LRRC4C: variants seen among roughly 807,000 people sequenced by gnomAD.
LRRC4C encodes leucine-rich repeat-containing protein 4C.
Under a neutral mutation model 33.6 loss-of-function variants are expected in LRRC4C, and 5 were observed. The observed-to-expected ratio is 0.15, with a 90% CI of 0.08 to 0.31. The LOEUF is 0.31. Among genes scored for constraint, LRRC4C ranks in the 10% least tolerant of loss-of-function variants. The pLI is 1.00. For synonymous variants in LRRC4C, 329 were observed against 302.0 expected, an observed-to-expected ratio of 1.09 and a Z score of -0.93; for missense variants, 560 against 796.7, an observed-to-expected ratio of 0.70 and a Z score of 3.58.
intron 1 of LRRC4C, among the ~76,000 whole-genome samples, chr11:41,427,530 A>G (rs1192220693): frequency 6.6e-6 from 1 of 152,198 alleles, no homozygotes; most frequent in East Asian, 1.9e-4. Context: ...GGTTCTACGA[A>G]GAAGAGATAT....
intron 1 of LRRC4C, among the ~76,000 whole-genome samples, chr11:40,998,052 T>C (rs532717982): frequency 1.3e-5 from 2 of 152,068 alleles, no homozygotes; most frequent in Non-Finnish European, 1.5e-5. Flanking sequence ...ACTGATGAAT[T>C]AATGATAAAG....
chr11:40,799,784 A>T (rs924715624), intron 2 of LRRC4C, among the ~76,000 whole-genome samples: 1 of 152,178 alleles, frequency 6.6e-6, no homozygotes, highest in African/African-American at 2.4e-5. Context: ...ATAGTCACTT[A>T]CTTTTTGATA....
intron 1 of LRRC4C, among the ~76,000 whole-genome samples, chr11:41,329,961 A>T (rs1951241848): frequency 6.6e-6 from 1 of 152,208 alleles, no homozygotes; most frequent in African/African-American, 2.4e-5. Flanking sequence ...TTTACATGAA[A>T]ACATCAAATT....
At chr11:41,117,843 C>T (rs1224938221) in intron 1 of LRRC4C, among the ~76,000 whole-genome samples, 3 of 152,036 alleles carry the variant, frequency 2.0e-5, no homozygotes, top group Non-Finnish European at 2.9e-5. Context: ...GCTTATTTTA[C>T]ACTTATGAGC....
At chr11:40,256,908 C>T (rs1241921165) in intron 4 of LRRC4C, among the ~76,000 whole-genome samples, 15 of 152,118 alleles carry the variant, frequency 9.9e-5, no homozygotes, top group African/African-American at 3.6e-4. Context: ...AGGAGGAATC[C>T]ATTTATGTCT....
intron 2 of LRRC4C, among the ~76,000 whole-genome samples, chr11:40,896,286 C>A (rs1022032969): frequency 6.6e-6 from 1 of 152,052 alleles, no homozygotes; most frequent in African/African-American, 2.4e-5. Context: ...ATTAATTGAA[C>A]CAACTATAAA....
intron 5 of LRRC4C, among the ~76,000 whole-genome samples, chr11:40,160,065 T>C (rs1354825883): frequency 6.6e-6 from 1 of 152,174 alleles, no homozygotes; most frequent in African/African-American, 2.4e-5. Flanking sequence ...CAAGACACAG[T>C]GGATAGTACA....
intron 1 of LRRC4C, among the ~76,000 whole-genome samples, chr11:41,340,818 C>T (rs1409013731): frequency 6.6e-6 from 1 of 152,184 alleles, no homozygotes; most frequent in Non-Finnish European, 1.5e-5. Context: ...TGTGCACTTA[C>T]TAAATACTAG....
At chr11:40,474,843 C>A (rs770539053) in intron 3 of LRRC4C, among the ~76,000 whole-genome samples, 2 of 151,226 alleles carry the variant, frequency 1.3e-5, no homozygotes, top group Non-Finnish European at 3.0e-5. Context: ...AAGCTCATCA[C>A]TTGTCATTAG....
At chr11:41,310,928 G>A (rs1340915981) in intron 1 of LRRC4C, among the ~76,000 whole-genome samples, 1 of 152,120 alleles carries the variant, frequency 6.6e-6, no homozygotes, top group African/African-American at 2.4e-5. Context: ...TTATAGGTAG[G>A]CTGTAGATAA....
intron 1 of LRRC4C, among the ~76,000 whole-genome samples, chr11:41,419,194 G>T (rs369417889): frequency 6.6e-6 from 1 of 151,784 alleles, no homozygotes; most frequent in Non-Finnish European, 1.5e-5. Context: ...AAGAGGTTGC[G>T]CCTCAAAATG....
intron 3 of LRRC4C, among the ~76,000 whole-genome samples, chr11:40,540,606 G>A (rs569783215): frequency 6.6e-6 from 1 of 152,104 alleles, no homozygotes; most frequent in Admixed American, 6.6e-5. Flanking sequence ...TAAGGGAAGA[G>A]TATTCCTTCT....
chr11:40,810,611 A>G (rs1323524973), intron 2 of LRRC4C, among the ~76,000 whole-genome samples: 2 of 152,090 alleles, frequency 1.3e-5, no homozygotes, highest in South Asian at 2.1e-4. Context: ...CTTACCTCCC[A>G]TTTCTGCAAA....
chr11:40,755,807 A>C (rs1179297473), intron 2 of LRRC4C, among the ~76,000 whole-genome samples: 1 of 152,154 alleles, frequency 6.6e-6, no homozygotes, highest in Non-Finnish European at 1.5e-5. Flanking sequence ...GCAATAAGGC[A>C]AAATAAAAAC....
chr11:40,547,771 T>A (rs545281502), intron 3 of LRRC4C, among the ~76,000 whole-genome samples: 2 of 152,214 alleles, frequency 1.3e-5, no homozygotes, highest in Admixed American at 6.6e-5. Context: ...CCTACTGAGA[T>A]ACGAAGAGGG....
Position 40,508,613 on chromosome 11 carries a change from T to C in LRRC4C, c.-270+139529A>G, listed in dbSNP as rs11035878. On this transcript the variant is annotated intron_variant, in intron 3 of 6. Coordinates refer to ENST00000528697, the MANE Select transcript of LRRC4C (RefSeq NM_001258419.2). Reference sequence around the variant, plus strand: ...AGGGAAGAAAATTCCTTCTTTTTCATGAACTCTGTGAATGGCAGGTCTTAT... The same window carrying C: ...AGGGAAGAAAATTCCTTCTTTTTCACGAACTCTGTGAATGGCAGGTCTTAT... Among the ~76,000 whole-genome samples, 422 of 152,296 alleles carry C rather than the reference T, an allele frequency of 2.8e-3. 1 individual carries two copies. The highest frequency in any genetic ancestry group is 9.7e-3 in the African/African-American group (405 of 41,572).
chr11:41,390,813 T>C (rs1244196504), intron 1 of LRRC4C, among the ~76,000 whole-genome samples: 1 of 151,866 alleles, frequency 6.6e-6, no homozygotes, highest in Non-Finnish European at 1.5e-5. Flanking sequence ...CACTACACCA[T>C]AGCTTCATGT....
chr11:40,835,786 T>G (rs539616830), intron 2 of LRRC4C, among the ~76,000 whole-genome samples: 1 of 152,178 alleles, frequency 6.6e-6, no homozygotes, highest in African/African-American at 2.4e-5. Context: ...AGAGAAATAT[T>G]AATATGTTGA....
chr11:41,011,424 T>A (rs1855167551), intron 1 of LRRC4C, among the ~76,000 whole-genome samples: 1 of 152,184 alleles, frequency 6.6e-6, no homozygotes, highest in Admixed American at 6.5e-5. Context: ...TTGTAGCTGG[T>A]TGGGTCTTTC....
Sources: allele counts gnomAD v4.1 joint callset (sites outside exome capture counted in the v4.1 genomes callset), GRCh38; gene constraint gnomAD v4.1.1; transcripts MANE v1.5; gene names NCBI Gene and HGNC (gene_info 2026-07-23, HGNC 2026-07-21).